CACNA1B: variants seen among roughly 807,000 people sequenced by gnomAD.
CACNA1B encodes voltage-dependent N-type calcium channel subunit alpha-1B.
CACNA1B carries 70 observed loss-of-function variants against 247.2 expected under a neutral mutation model. The ratio of observed to expected loss-of-function variants is 0.28; its 90% CI spans 0.23 to 0.35. The LOEUF (loss-of-function observed/expected upper bound fraction) is 0.35. Ranked by LOEUF, CACNA1B falls within the 10% of genes least tolerant of loss-of-function variation. The pLI is 1.00. For synonymous variants in CACNA1B, 1,231 were observed against 1,294.4 expected (o/e 0.95, Z 1.05); for missense variants, 2,367 against 3,197.4 (o/e 0.74, Z 6.26).
chr9:138,023,750 G>C lies in CACNA1B; in HGVS notation c.3007G>C (p.Glu1003Gln). 1 of 1,351,500 alleles carries C rather than the reference G, an allele frequency of 7.4e-7. No individual in the cohort carries two copies. 83.7% of individuals were successfully genotyped at this position (1,351,500 alleles called of 1,614,324 possible). A position where few individuals can be genotyped will look rare whatever the true frequency, so the allele number is the denominator to read the frequency against. ...GGAGACCACGGAGAAGGAGGCCACG[G>C]AGAAGGAGGCTGAGATAGTGGAAGC... ...EKETTEKEAT[E>Q]KEAEIVEADK... Residue 1003 changes from glutamate to glutamine, a missense_variant, in exon 19 of 47, where the codon GAG becomes CAG. Physicochemically the swap from Glu to Gln is conservative, Grantham distance 29. Transcript: ENST00000371372.
intron 6 of CACNA1B, among the ~76,000 whole-genome samples, chr9:137,944,876 C>T (rs1025929423): frequency 2.0e-5 from 3 of 152,088 alleles, no homozygotes; most frequent in Non-Finnish European, 4.4e-5. Context: ...GAGCACTTGG[C>T]AAGGAGTTAT....
At chr9:138,000,584 AAAT>A (rs1314783921) in intron 15 of CACNA1B, among the ~76,000 whole-genome samples, 8 of 152,204 alleles carry the variant, frequency 5.3e-5, no homozygotes, top group African/African-American at 1.9e-4. Context: ...TTTCAAGAAG[AAAT>A]AATAACTATT....
intron 37 of CACNA1B, among the ~76,000 whole-genome samples, chr9:138,097,981 G>T (rs902810482): frequency 6.6e-6 from 1 of 152,182 alleles, no homozygotes; most frequent in Non-Finnish European, 1.5e-5. Context: ...TCCCAGTCTG[G>T]ACAAGGTCCA....
intron 10 of CACNA1B, among the ~76,000 whole-genome samples, chr9:137,959,297 T>G (rs1443086965): frequency 6.6e-6 from 1 of 152,184 alleles, no homozygotes; most frequent in East Asian, 1.9e-4. Context: ...GTTCTCGAAC[T>G]CCTGACCTCA....
At position 137,913,102 on chromosome 9, in the gene CACNA1B, T is replaced by C; in HGVS notation, c.531-78T>C. On this transcript the variant is annotated intron_variant, in intron 3 of 46. Transcript: ENST00000371372. This position sits in a 1 kb window ranked among gnomAD's most constrained non-coding sequence, Gnocchi z 5.2. ...TCACTGCTCTTGGGAGACATGACCC[T>C]GGTGGTGGGAGGAGTGTGTCCTCTT... is the stretch of plus-strand genomic sequence containing the variant. 2 of 1,113,532 alleles carry C rather than the reference T, an allele frequency of 1.8e-6. No individual in the cohort carries two copies. Among genetic ancestry groups the C allele is most frequent in the Non-Finnish European group, 1.4e-6 (1 of 740,504 alleles). 69.0% of individuals were successfully genotyped at this position (1,113,532 alleles called of 1,614,324 possible). A position where few individuals can be genotyped will look rare whatever the true frequency, so the allele number is the denominator to read the frequency against.
Position 137,952,128 on chromosome 9 carries a change from A to T in CACNA1B, c.967-146A>T, listed in dbSNP as rs1589028833. 2 of 649,994 alleles carry T rather than the reference A, an allele frequency of 3.1e-6. No individual in the cohort carries two copies. The highest frequency in any genetic ancestry group is 3.6e-5 in the African/African-American group (2 of 55,616). The allele number at this position is 649,994 out of a possible 1,614,324, so 40.3% of individuals were successfully genotyped here. ...GCCTGGACTCCAGCCCCATGCTTGGACCTCCCTGTGACTGGCCTCCCCACT... is the reference window on the plus strand; with the variant it reads ...GCCTGGACTCCAGCCCCATGCTTGGTCCTCCCTGTGACTGGCCTCCCCACT... On this transcript the variant is annotated intron_variant, in intron 6 of 46. Coordinates refer to ENST00000371372, the MANE Select transcript of CACNA1B (RefSeq NM_000718.4). This position sits in a 1 kb window ranked among gnomAD's most constrained non-coding sequence, Gnocchi z 4.8.
intron 10 of CACNA1B, among the ~76,000 whole-genome samples, chr9:137,962,317 T>A (rs1958029995): frequency 6.6e-6 from 1 of 151,710 alleles, no homozygotes; most frequent in Non-Finnish European, 1.5e-5. Flanking sequence ...TTATTAATTT[T>A]TTTTTTTTTC....
At chr9:137,949,533 CTG>C (rs953340551) in intron 6 of CACNA1B, among the ~76,000 whole-genome samples, 1 of 148,612 alleles carries the variant, frequency 6.7e-6, no homozygotes, top group Non-Finnish European at 1.5e-5. Flanking sequence ...TGATGTGTGT[CTG>C]TGTGTGTGTG....
chr9:138,023,191 G>C lies in CACNA1B; in HGVS notation c.2448G>C (p.Pro816=), dbSNP rs1221155989. The part of the protein sequence containing the change: ...RPDMKTHLDR[P]LVVELGRDGA... Reference sequence around the variant, plus strand: ...ACATGAAGACGCACCTGGACCGGCCGCTGGTGGTGGAGCTGGGCCGCGACG... The same window carrying C: ...ACATGAAGACGCACCTGGACCGGCCCCTGGTGGTGGAGCTGGGCCGCGACG... Residue 816 remains proline, a synonymous_variant, in exon 19 of 47, where the codon CCG becomes CCC. Coordinates refer to ENST00000371372, the MANE Select transcript of CACNA1B (RefSeq NM_000718.4). 2 of 1,519,876 alleles carry C rather than the reference G, an allele frequency of 1.3e-6. No homozygotes were observed. The highest frequency in any genetic ancestry group is 5.2e-5 in the East Asian group (2 of 38,798). The allele number at this position is 1,519,876 out of a possible 1,614,324, so 94.1% of individuals were successfully genotyped here. A position where few individuals can be genotyped will look rare whatever the true frequency, so the allele number is the denominator to read the frequency against.
intron 6 of CACNA1B, among the ~76,000 whole-genome samples, chr9:137,936,383 G>C (rs945144972): frequency 6.6e-6 from 1 of 152,138 alleles, no homozygotes; most frequent in Non-Finnish European, 1.5e-5. Context: ...CTGGATATTA[G>C]CCCTTTGTCT....
intron 12 of CACNA1B, among the ~76,000 whole-genome samples, chr9:137,977,560 G>A (rs1215321886): frequency 7.9e-5 from 12 of 152,172 alleles, no homozygotes; most frequent in Non-Finnish European, 1.6e-4. Flanking sequence ...AGGGCAGTCT[G>A]AGAATCTTCT....
chr9:138,115,361 GT>G, intron 41 of CACNA1B, among the ~76,000 whole-genome samples, 190 bp from the exon 42 acceptor site: 1 of 152,306 alleles, frequency 6.6e-6, no homozygotes, highest in East Asian at 1.9e-4. Context: ...TTGCTTCACT[GT>G]TTTGGTCACA....
chr9:138,052,271 C>A lies in CACNA1B; in HGVS notation c.3807+83C>A, dbSNP rs1381607493. ...GTGCGTGTGTGTGTGTGTATGCATG[C>A]AGTGCATGAGTGTGTGTGTGTTCAC... On this transcript the variant is annotated intron_variant, in intron 25 of 46. Coordinates refer to ENST00000371372, the MANE Select transcript of CACNA1B (RefSeq NM_000718.4). This position sits in a 1 kb window ranked among gnomAD's most constrained non-coding sequence, Gnocchi z 5.1. 7.6e-6 allele frequency: 4 copies of A among 529,432 alleles called. No homozygotes were observed. The highest frequency in any genetic ancestry group is 1.2e-5 in the Non-Finnish European group (4 of 336,962). 32.8% of individuals were successfully genotyped at this position (529,432 alleles called of 1,614,324 possible).
chr9:138,006,929 C>G (rs1233509610), intron 16 of CACNA1B, 45 bp downstream of exon 16: 1 of 1,014,854 alleles, frequency 9.9e-7, no homozygotes, highest in South Asian at 1.3e-5. Context: ...AGTGCTTGGC[C>G]CTCCTCTTCT....
intron 20 of CACNA1B, among the ~76,000 whole-genome samples, chr9:138,041,970 C>T (rs1431814043): frequency 1.3e-5 from 2 of 152,060 alleles, no homozygotes; most frequent in African/African-American, 4.8e-5. Context: ...CCATCTTGCC[C>T]AGGATGGTCT....
At chr9:138,032,929 A>G (rs2133452712) in intron 20 of CACNA1B, among the ~76,000 whole-genome samples, 1 of 152,184 alleles carries the variant, frequency 6.6e-6, no homozygotes, top group African/African-American at 2.4e-5. Context: ...TCTTTTGCCA[A>G]ATTTGGAAAT....
At chr9:138,049,920 C>T (rs1420123400) in intron 24 of CACNA1B, among the ~76,000 whole-genome samples, 6 of 152,112 alleles carry the variant, frequency 3.9e-5, no homozygotes, top group Admixed American at 1.3e-4. Flanking sequence ...GATGGGAATA[C>T]GGCGGGGAGT....
At chr9:138,016,617 T>G (rs550591696) in intron 18 of CACNA1B, among the ~76,000 whole-genome samples, 1 of 152,140 alleles carries the variant, frequency 6.6e-6, no homozygotes, top group African/African-American at 2.4e-5. Flanking sequence ...CACCCTCGCC[T>G]CCTTTGTTAG....
chr9:137,933,738 G>A (rs576050581), intron 6 of CACNA1B, among the ~76,000 whole-genome samples: 103 of 152,272 alleles, frequency 6.8e-4, no homozygotes, highest in African/African-American at 2.3e-3. Flanking sequence ...TGGGCTGGTG[G>A]TATTTAAGTC....
Sources: allele counts gnomAD v4.1 joint callset (sites outside exome capture counted in the v4.1 genomes callset), GRCh38; gene constraint gnomAD v4.1.1; non-coding constraint Gnocchi (gnomAD v3.1); transcripts MANE v1.5; gene names NCBI Gene and HGNC (gene_info 2026-07-23, HGNC 2026-07-21).